Variants in GSDME observed in about 807,000 individuals in gnomAD.
GSDME encodes the protein gasdermin-E.
A neutral mutation model predicts 47.5 loss-of-function variants in GSDME; 44 were observed. That is an observed-to-expected ratio of 0.93 (90% CI 0.73 to 1.19). The LOEUF (loss-of-function observed/expected upper bound fraction) is 1.19. Among genes scored for constraint, GSDME ranks in the 50% most tolerant of loss-of-function variants. The pLI is 0.00. For synonymous variants in GSDME, 258 were observed against 252.8 expected, an observed-to-expected ratio of 1.02 and a Z score of -0.20; for missense variants, 663 against 604.2, an observed-to-expected ratio of 1.10 and a Z score of -1.02.
chr7:24,752,737 G>A (rs948476983), intron 1 of GSDME, among the ~76,000 whole-genome samples: 1 of 152,312 alleles, frequency 6.6e-6, no homozygotes, highest in Non-Finnish European at 1.5e-5. Flanking sequence ...CAGAACAACT[G>A]CTTTAGTTTA....
chr7:24,709,224 C>G (rs1398283476), intron 6 of GSDME, among the ~76,000 whole-genome samples: 2 of 152,192 alleles, frequency 1.3e-5, no homozygotes, highest in African/African-American at 4.8e-5. Context: ...CCCTGCTGAC[C>G]AGAATGGCCA....
rs1481217399 is a variant in GSDME at position 24,744,961 on chromosome 7, G to A, written c.212-207C>T. On this transcript the variant is annotated intron_variant, in intron 2 of 9. Transcript: ENST00000645220. This position sits in a 1 kb window ranked among gnomAD's most constrained non-coding sequence, Gnocchi z 4.5. The stretch of plus-strand genomic sequence containing the variant: ...GTGTGTGTGTGTGTGTGGACCGCGG[G>A]CACACAGTGGACCAGTGCAGCACGT... Among the ~76,000 whole-genome samples, 1 of 135,880 alleles carries A rather than the reference G, an allele frequency of 7.4e-6. No homozygotes were observed. The allele number at this position is 135,880 out of a possible 152,430, so 89.1% of individuals were successfully genotyped here.
rs3038357 is a variant in GSDME, at chr7:24,744,984, C to CGTGTGTGT, written c.212-238_212-231dup. ...GGGCACACAGTGGACCAGTGCAGCA[C>CGTGTGTGT]GTGTGTGTGTGTGTGTGTGTGTGTG... is the stretch of plus-strand genomic sequence containing the variant. On this transcript the variant is annotated intron_variant, in intron 2 of 9. Transcript: ENST00000645220. The surrounding 1 kb of genome is among the most constrained non-coding windows in gnomAD (Gnocchi z 4.5). 5.0e-4 allele frequency among the ~76,000 whole-genome samples: 60 copies of CGTGTGTGT among 119,064 alleles called. 1 individual carries two copies. The highest frequency in any genetic ancestry group is 4.1e-3 in the Middle Eastern group (1 of 242). 78.1% of individuals were successfully genotyped at this position (119,064 alleles called of 152,430 possible). A position where few individuals can be genotyped will look rare whatever the true frequency, so the allele number is the denominator to read the frequency against.
chr7:24,726,323 A>T lies in GSDME; in HGVS notation c.405-7105T>A, dbSNP rs1010446769. On this transcript the variant is annotated intron_variant, in intron 3 of 9. Coordinates refer to ENST00000645220, the MANE Select transcript of GSDME (RefSeq NM_001127453.2). This position sits in a 1 kb window ranked among gnomAD's most constrained non-coding sequence, Gnocchi z 5.6. ...GGGAAGCAGGTTTCTTTACCAAAGC[A>T]TAAAGGAGGTCCCGGGGATGCCTCC... 1.3e-5 allele frequency among the ~76,000 whole-genome samples: 2 copies of T among 152,228 alleles called. No individual in the cohort carries two copies. The highest frequency in any genetic ancestry group is 6.5e-5 in the Admixed American group (1 of 15,286).
chr7:24,777,611 C>T, the GSDME span, among the ~76,000 whole-genome samples: 5 of 152,038 alleles, frequency 3.3e-5, no homozygotes, highest in Non-Finnish European at 7.3e-5. Flanking sequence ...CCTCACCTAA[C>T]CCCAGATCAT....
chr7:24,737,378 T>A (rs1244969269), intron 3 of GSDME, among the ~76,000 whole-genome samples: 2 of 151,668 alleles, frequency 1.3e-5, no homozygotes, highest in Non-Finnish European at 2.9e-5. Context: ...TATACACCAA[T>A]AAATTGGAAA....
intron 3 of GSDME, among the ~76,000 whole-genome samples, chr7:24,723,035 A>C (rs1022308105): frequency 1.3e-5 from 2 of 152,224 alleles, no homozygotes; most frequent in African/African-American, 4.8e-5. Context: ...TCCCTGGGCA[A>C]CCAAGGCAGG....
intron 3 of GSDME, among the ~76,000 whole-genome samples, chr7:24,730,859 G>A (rs949883337): frequency 1.4e-4 from 22 of 152,014 alleles, no homozygotes; most frequent in African/African-American, 4.8e-4. Flanking sequence ...ATCAGACAAG[G>A]TGATTTCTGT....
chr7:24,756,903 C>T lies in GSDME; in HGVS notation c.-20+493G>A, dbSNP rs1439913490. On this transcript the variant is annotated intron_variant, in intron 1 of 9. Coordinates refer to ENST00000645220, the MANE Select transcript of GSDME (RefSeq NM_001127453.2). This position sits in a 1 kb window ranked among gnomAD's most constrained non-coding sequence, Gnocchi z 4.2. ...AGCAAAGTGGAGGGGGACTTTTTTC[C>T]GTCCAGAGAGACTGAACTCCGTATC... is the stretch of plus-strand genomic sequence containing the variant. Among the ~76,000 whole-genome samples, 1 of 152,130 alleles carries T rather than the reference C, an allele frequency of 6.6e-6. No individual in the cohort carries two copies. The highest frequency in any genetic ancestry group is 6.5e-5 in the Admixed American group (1 of 15,278).
At chr7:24,773,402 A>G in the GSDME span, among the ~76,000 whole-genome samples, 1 of 152,224 alleles carries the variant, frequency 6.6e-6, no homozygotes, top group African/African-American at 2.4e-5. This position sits in a 1 kb window ranked among gnomAD's most constrained non-coding sequence, Gnocchi z 5.4. Flanking sequence ...TTTAGTGCAA[A>G]TCATAAATCC....
the GSDME span, among the ~76,000 whole-genome samples, chr7:24,791,775 C>T: frequency 5.9e-5 from 9 of 152,180 alleles, no homozygotes; most frequent in Non-Finnish European, 1.0e-4. The surrounding 1 kb of genome is among the most constrained non-coding windows in gnomAD (Gnocchi z 4.8). Flanking sequence ...GACATCCTCT[C>T]GGGGATGAAC....
rs730880353 is a variant in GSDME at position 24,710,213 on chromosome 7, G to GC, written c.862+10dup. On this transcript the variant is annotated intron_variant, in intron 6 of 9. Transcript: ENST00000645220. The stretch of plus-strand genomic sequence containing the variant: ...CTCAACTGCCCACTACTCCTGCCCT[G>GC]CTGGCAATACCTTGCTTTAAAACAC... 1.1e-5 allele frequency: 17 copies of GC among 1,612,926 alleles called. No homozygotes were observed. Among genetic ancestry groups the GC allele is most frequent in the Non-Finnish European group, 1.4e-5 (17 of 1,179,968 alleles).
At chr7:24,703,735 G>A (rs1788978216) in intron 8 of GSDME, 1 of 152,586 alleles carries the variant, frequency 6.6e-6, no homozygotes, top group African/African-American at 2.4e-5. Context: ...CTATTAAGGG[G>A]GTGGGGCAGC....
intron 5 of GSDME, chr7:24,715,432 T>C (rs988857444): frequency 2.1e-6 from 1 of 470,676 alleles, no homozygotes; most frequent in Non-Finnish European, 4.4e-6. Context: ...ACAATGTCTA[T>C]GTCTATTGAA....
In GSDME at chr7:24,708,181, G is replaced by A. The variant is rs780141045; in HGVS notation, c.936C>T (p.Asp312=). Residue 312 remains aspartate, a synonymous_variant, in exon 7 of 10, where the codon GAC becomes GAT. Transcript: ENST00000645220. ...LPEPQQTALS[D]IFQAVLFDDE... ...CATCAAATAGGACCGCCTGGAAGAT[G>A]TCACTCAAAGCTGTCTGTTGTGGCT... The A allele has an allele frequency of 1.2e-6, 2 of 1,614,168 alleles. No homozygotes were observed. Among genetic ancestry groups the A allele is most frequent in the East Asian group, 4.5e-5 (2 of 44,884 alleles).
At chr7:24,776,711 G>C in the GSDME span, among the ~76,000 whole-genome samples, 2 of 152,072 alleles carry the variant, frequency 1.3e-5, no homozygotes, top group African/African-American at 4.8e-5. Context: ...AAATCAAAAG[G>C]GCACTCTGTC....
At position 24,705,380 on chromosome 7, in the gene GSDME, C is replaced by A. The variant is rs986981652; in HGVS notation, c.1183+804G>T. 1.2e-4 allele frequency: 18 copies of A among 152,438 alleles called. No individual in the cohort carries two copies. The highest frequency in any genetic ancestry group is 4.3e-4 in the African/African-American group (18 of 41,428). The allele number at this position is 152,438 out of a possible 1,614,324, so 9.4% of individuals were successfully genotyped here. On this transcript the variant is annotated intron_variant, in intron 8 of 9. Coordinates refer to ENST00000645220, the MANE Select transcript of GSDME (RefSeq NM_001127453.2). This position sits in a 1 kb window ranked among gnomAD's most constrained non-coding sequence, Gnocchi z 4.1. ...GGACAGGCATTCTCTCAGATTAATT[C>A]TTTAAAAACTGAAGATTACTGGGTC...
At chr7:24,777,130 T>A in the GSDME span, among the ~76,000 whole-genome samples, 1 of 152,134 alleles carries the variant, frequency 6.6e-6, no homozygotes, top group East Asian at 1.9e-4. Context: ...ATATATGAAT[T>A]CGAAAGAAGC....
At position 24,710,318 on chromosome 7, in the gene GSDME, G is replaced by A; in HGVS notation, c.768C>T (p.Asp256=). ...ATGCAAACTCTCGAAAGACCAGGGG[G>A]TCCAGGTAGACAGAGTCAATTCTCT... ...NKKRIDSVYL[D]PLVFREFAFI... The change falls in exon 6 of 10, where the codon GAC becomes GAT. Residue 256 remains aspartate, a synonymous_variant. Transcript: ENST00000645220. 1.2e-6 allele frequency: 2 copies of A among 1,614,216 alleles called. No individual in the cohort carries two copies. Among genetic ancestry groups the A allele is most frequent in the Non-Finnish European group, 1.7e-6 (2 of 1,180,020 alleles).
Sources: gnomAD v4.1 joint callset for allele counts (sites outside exome capture counted in the v4.1 genomes callset) on GRCh38, gnomAD v4.1.1 for gene constraint, Gnocchi (gnomAD v3.1) non-coding constraint, MANE v1.5 for transcripts, NCBI Gene and HGNC (gene_info 2026-07-23, HGNC 2026-07-21) for gene names.